Variants in MDN1 observed in about 807,000 individuals in gnomAD.
MDN1 encodes the protein midasin AAA ATPase 1.
Under a neutral mutation model 669.2 loss-of-function variants are expected in MDN1, and 266 were observed. The ratio of observed to expected loss-of-function variants is 0.40; its 90% CI spans 0.36 to 0.44. The LOEUF is 0.44. Ranked by LOEUF, MDN1 falls within the 20% of genes least tolerant of loss-of-function variation. The probability of loss-of-function intolerance (pLI) is 1.00; values close to 1 mark genes in which losing one functional copy is unlikely to be tolerated. For missense variants in MDN1, 5,940 were observed against 6,754.0 expected (o/e 0.88, Z 4.22); for synonymous variants, 2,385 against 2,457.1 (o/e 0.97, Z 0.87).
Position 89,676,201 on chromosome 6 carries a change from AAGC to A in MDN1, c.12543_12545del (p.Leu4182del). The A allele has an allele frequency of 6.2e-7, 1 of 1,614,132 alleles. No individual in the cohort carries two copies. Among genetic ancestry groups the A allele is most frequent in the East Asian group, 2.2e-5 (1 of 44,888 alleles). On this transcript the variant is annotated inframe_deletion, in exon 77 of 102. Coordinates refer to ENST00000369393, the MANE Select transcript of MDN1 (RefSeq NM_014611.3). ...CATCCCATGAAGACGAGATTTCTGT[AAGC>A]AGCCTGGAAAAGATATCAACATTGT...
rs766920500 is a variant in MDN1 at position 89,698,985 on chromosome 6, C to T, written c.9048G>A (p.Met3016Ile). Residue 3016 changes from methionine (M) to isoleucine (I), a missense_variant, in exon 59 of 102, where the codon ATG becomes ATA. Around this residue, in one of 5 missense-constraint regions of MDN1, gnomAD observed 2,292 missense variants for 2,638.3 expected, o/e 0.87. Transcript: ENST00000369393. ...TSLWSELFNSMFMSFWSSTVT... is the reference protein window; with the variant it reads ...TSLWSELFNSIFMSFWSSTVT... ...CAGTACTGCTCCAGAAAGACATAAA[C>T]ATGGAATTAAATAACTCGGACCACA... is the stretch of plus-strand genomic sequence containing the variant. 1 of 1,614,006 alleles carries T rather than the reference C, an allele frequency of 6.2e-7. No individual in the cohort carries two copies. Among genetic ancestry groups the T allele is most frequent in the Non-Finnish European group, 8.5e-7 (1 of 1,179,952 alleles).
intron 33 of MDN1, among the ~76,000 whole-genome samples, chr6:89,735,793 G>A (rs556679107): frequency 7.9e-5 from 12 of 152,106 alleles, no homozygotes; most frequent in Admixed American, 2.0e-4. Flanking sequence ...AGGCCAAGGC[G>A]GGCGGATCAC....
chr6:89,780,302 A>AAAAG lies in MDN1; in HGVS notation c.1644-13_1644-10dup. On this transcript the variant is annotated splice_polypyrimidine_tract_variant and intron_variant, in intron 10 of 101. Coordinates refer to ENST00000369393, the MANE Select transcript of MDN1 (RefSeq NM_014611.3). ...ACCAATTCAGCAGATCCCTTTAAAA[A>AAAAG]AAAGAAAGAAAAGAAAAAACAAAGA... 1 of 1,527,950 alleles carries AAAAG rather than the reference A, an allele frequency of 6.5e-7. No individual in the cohort carries two copies. The highest frequency in any genetic ancestry group is 8.8e-7 in the Non-Finnish European group (1 of 1,133,870). The allele number at this position is 1,527,950 out of a possible 1,614,324, so 94.6% of individuals were successfully genotyped here. A position where few individuals can be genotyped will look rare whatever the true frequency, so the allele number is the denominator to read the frequency against.
intron 15 of MDN1, among the ~76,000 whole-genome samples, chr6:89,770,710 C>T (rs1818039334): frequency 6.6e-6 from 1 of 152,062 alleles, no homozygotes; most frequent in African/African-American, 2.4e-5. Flanking sequence ...ATCATGTTGG[C>T]CAGGCTGGTC....
chr6:89,710,763 A>G lies in MDN1; in HGVS notation c.7683T>C (p.Ala2561=). ...GTGAGTAAAAATTCCTGAGAGATGC[A>G]GCACTGGCTTCCAAATGAATTTGTA... ...ESIQIHLEAS[A]ASLRNFYSHS... The change falls in exon 50 of 102, where the codon GCT becomes GCC. Residue 2561 remains alanine, a synonymous_variant. Transcript: ENST00000369393. 1 of 1,604,090 alleles carries G rather than the reference A, an allele frequency of 6.2e-7. No individual in the cohort carries two copies. The highest frequency in any genetic ancestry group is 1.7e-4 in the Middle Eastern group (1 of 6,042).
rs189007828 is a variant in MDN1, at chr6:89,778,118, C to T, written c.1726-1423G>A. Among the ~76,000 whole-genome samples, 304 of 151,762 alleles carry T rather than the reference C, an allele frequency of 2.0e-3. 1 individual carries two copies. Among genetic ancestry groups the T allele is most frequent in the African/African-American group, 7.1e-3 (294 of 41,368 alleles). On this transcript the variant is annotated intron_variant, in intron 11 of 101. Transcript: ENST00000369393. ...GTTACAATCTGATCTATTTTTTCATCCTTTTTAAAAGTATTTTATATTTTT... is the reference window on the plus strand; with the variant it reads ...GTTACAATCTGATCTATTTTTTCATTCTTTTTAAAAGTATTTTATATTTTT...
intron 14 of MDN1, among the ~76,000 whole-genome samples, chr6:89,772,067 C>T (rs745321581): frequency 1.4e-4 from 22 of 152,178 alleles, no homozygotes; most frequent in Middle Eastern, 6.8e-3. Flanking sequence ...AGTTGGAGAC[C>T]AACCTAGGCA....
chr6:89,791,775 T>C (rs926438113), intron 5 of MDN1, among the ~76,000 whole-genome samples: 8 of 151,950 alleles, frequency 5.3e-5, no homozygotes, highest in Non-Finnish European at 1.5e-5. Context: ...AGTTCAAGAC[T>C]AGGCTGGGCA....
intron 1 of MDN1, among the ~76,000 whole-genome samples, chr6:89,807,493 T>G (rs2128330435): frequency 6.6e-6 from 1 of 152,330 alleles, no homozygotes; most frequent in South Asian, 2.1e-4. Flanking sequence ...GTGTCTTTTT[T>G]TCTGGCAATT....
chr6:89,684,297 C>T (rs556916196), intron 71 of MDN1, among the ~76,000 whole-genome samples: 1 of 151,462 alleles, frequency 6.6e-6, no homozygotes, highest in Non-Finnish European at 1.5e-5. Context: ...GAGCTGAGAT[C>T]GTGCCACTGC....
In MDN1 at chr6:89,708,605, G is replaced by A. The variant is rs770523055; in HGVS notation, c.7789C>T (p.Pro2597Ser). ...TCCAGAGCCTGCATATTCCATCGGGGATCCAGAGGGATCACAAATTCATCT... is the reference window on the plus strand; with the variant it reads ...TCCAGAGCCTGCATATTCCATCGGGAATCCAGAGGGATCACAAATTCATCT... ...TTDEFVIPLD[P>S]RWNMQALDMI... The change falls in exon 51 of 102, where the codon CCC becomes TCC. Residue 2597 changes from proline to serine, a missense_variant. Coordinates refer to ENST00000369393, the MANE Select transcript of MDN1 (RefSeq NM_014611.3). The A allele has an allele frequency of 6.2e-7, 1 of 1,613,660 alleles. No homozygotes were observed. Among genetic ancestry groups the A allele is most frequent in the Non-Finnish European group, 8.5e-7 (1 of 1,179,874 alleles).
intron 38 of MDN1, among the ~76,000 whole-genome samples, chr6:89,724,648 T>C (rs1303600067): frequency 6.6e-6 from 1 of 152,140 alleles, no homozygotes; most frequent in Non-Finnish European, 1.5e-5. Flanking sequence ...ACTAAAGAAA[T>C]CTAGAGACAT....
At chr6:89,701,207 C>T (rs1243500608) in intron 55 of MDN1, among the ~76,000 whole-genome samples, 1 of 152,184 alleles carries the variant, frequency 6.6e-6, no homozygotes, top group Non-Finnish European at 1.5e-5. Context: ...CTGTGCTGAA[C>T]GCATAAGGAC....
At chr6:89,666,318 T>C (rs1810222975) in intron 84 of MDN1, among the ~76,000 whole-genome samples, 1 of 152,214 alleles carries the variant, frequency 6.6e-6, no homozygotes, top group South Asian at 2.1e-4. Flanking sequence ...CAGGCTGTAG[T>C]GCAATGGCAC....
intron 88 of MDN1, among the ~76,000 whole-genome samples, chr6:89,659,258 G>A (rs1297366817): frequency 4.6e-5 from 7 of 152,240 alleles, no homozygotes; most frequent in Middle Eastern, 3.4e-3. Flanking sequence ...CTATGGTCTC[G>A]GCTACTCAGC....
chr6:89,645,066 C>G lies in MDN1; in HGVS notation c.16551G>C (p.Arg5517=), dbSNP rs549213561. ...CAAAGATGACAAAGATATTTGCATT[C>G]CGGGCAGCCTGAACTGCTGCCAGGA... ...ERVLAAVQAA[R]NANIFVIFVV... Residue 5517 remains arginine (R), a synonymous_variant, in exon 101 of 102, where the codon CGG becomes CGC. Transcript: ENST00000369393. The G allele has an allele frequency of 1.1e-5, 17 of 1,610,912 alleles. No homozygotes were observed. In the South Asian group the frequency reaches 1.9e-4, roughly 18 times the overall value.
Position 89,699,016 on chromosome 6 carries a change from G to A in MDN1, c.9017C>T (p.Thr3006Ile). The change falls in exon 59 of 102, where the codon ACA (threonine) becomes ATA (isoleucine). Residue 3006 changes from threonine (T) to isoleucine (I), a missense_variant. Around this residue, in one of 5 missense-constraint regions of MDN1, gnomAD observed 2,292 missense variants for 2,638.3 expected, o/e 0.87. Coordinates refer to ENST00000369393, the MANE Select transcript of MDN1 (RefSeq NM_014611.3). ...ATTAAATAACTCGGACCACAAAGATGTAATTTCTTCAGGAGACACCTAGAA... is the reference window on the plus strand; with the variant it reads ...ATTAAATAACTCGGACCACAAAGATATAATTTCTTCAGGAGACACCTAGAA... ...HHQKVSPEEI[T>I]SLWSELFNSM... 6.2e-7 allele frequency: 1 copy of A among 1,613,196 alleles called. No individual in the cohort carries two copies. Among genetic ancestry groups the A allele is most frequent in the Non-Finnish European group, 8.5e-7 (1 of 1,179,534 alleles).
chr6:89,660,350 A>G lies in MDN1; in HGVS notation c.14713+1081T>C, dbSNP rs181981761. On this transcript the variant is annotated intron_variant, in intron 88 of 101. Coordinates refer to ENST00000369393, the MANE Select transcript of MDN1 (RefSeq NM_014611.3). ...CAGGTGTGTGCCATAATGCCCAACTAATTTTTTTTTCTTTGGTAGAGACAG... is the reference window on the plus strand; with the variant it reads ...CAGGTGTGTGCCATAATGCCCAACTGATTTTTTTTTCTTTGGTAGAGACAG... Among the ~76,000 whole-genome samples the G allele has an allele frequency of 1.2e-3, 186 of 151,634 alleles. 2 individuals carry two copies. Among genetic ancestry groups the G allele is most frequent in the African/African-American group, 4.4e-3 (182 of 41,314 alleles).
At chr6:89,719,958 TG>T (rs201125683) in intron 40 of MDN1, among the ~76,000 whole-genome samples, 8 of 152,122 alleles carry the variant, frequency 5.3e-5, no homozygotes, top group Admixed American at 3.3e-4. Flanking sequence ...AGAGTAATGG[TG>T]GGGGGCGGAT....
Sources: gnomAD v4.1 joint callset for allele counts (sites outside exome capture counted in the v4.1 genomes callset) on GRCh38, gnomAD v4.1.1 for gene constraint, gnomAD v4.1.1 regional missense constraint, MANE v1.5 for transcripts, NCBI Gene and HGNC (gene_info 2026-07-23, HGNC 2026-07-21) for gene names.